The following RPS6KL1 variants were observed in gnomAD, a reference collection of about 807,000 sequenced individuals.
The protein encoded by RPS6KL1 is ribosomal protein S6 kinase-like 1.
Under a neutral mutation model 57.0 loss-of-function variants are expected in RPS6KL1, and 41 were observed. That is an observed-to-expected ratio of 0.72 (90% CI 0.56 to 0.93). The LOEUF is 0.93. Ranked by LOEUF, RPS6KL1 falls within the 40% of genes least tolerant of loss-of-function variation. The pLI, the probability that RPS6KL1 is intolerant of heterozygous loss-of-function variation, is 0.00. For synonymous variants in RPS6KL1, 287 were observed against 309.7 expected, an observed-to-expected ratio of 0.93 and a Z score of 0.77; for missense variants, 697 against 727.7, an observed-to-expected ratio of 0.96 and a Z score of 0.49.
intron 5 of RPS6KL1, among the ~76,000 whole-genome samples, chr14:74,914,546 T>C (rs1230644932): frequency 1.3e-5 from 2 of 152,206 alleles, no homozygotes; most frequent in Non-Finnish European, 2.9e-5. Context: ...TATCTTGGAG[T>C]TCGGCAGGAT....
rs972555309 is a variant in RPS6KL1, at chr14:74,904,375, G to A, written c.*2639C>T. 3.3e-5 allele frequency: 5 copies of A among 152,172 alleles called. No homozygotes were observed. The highest frequency in any genetic ancestry group is 2.6e-4 in the Admixed American group (4 of 15,278). The allele number at this position is 152,172 out of a possible 1,614,324, so 9.4% of individuals were successfully genotyped here. On this transcript the variant is annotated 3_prime_UTR_variant, in exon 12 of 12. Transcript: ENST00000557413. ...GCTTCTCATCAGACTTAAGGAGCCT[G>A]TTTTAACAGTAATTCCAAAAGGGAG...
At chr14:74,911,448 T>C in intron 6 of RPS6KL1, 68 bp from the exon 7 acceptor site, 1 of 1,554,740 alleles carries the variant, frequency 6.4e-7, no homozygotes, top group Non-Finnish European at 8.7e-7. Context: ...GGGGACCTCC[T>C]AGCCCTGGCT....
intron 6 of RPS6KL1, 157 bp downstream of exon 6, chr14:74,911,637 G>T: frequency 1.4e-6 from 1 of 727,158 alleles, no homozygotes; most frequent in African/African-American, 1.8e-5. Flanking sequence ...GTGCATGCAT[G>T]TGTGTCCATC....
At chr14:74,913,441 C>T (rs1352782555) in intron 5 of RPS6KL1, among the ~76,000 whole-genome samples, 2 of 152,330 alleles carry the variant, frequency 1.3e-5, no homozygotes, top group South Asian at 2.1e-4. Context: ...CCTGTAATCC[C>T]AGCTACCTGG....
In RPS6KL1 at chr14:74,906,793, G is replaced by A. The variant is rs749098471; in HGVS notation, c.*221C>T. The A allele has an allele frequency of 1.3e-5, 9 of 693,192 alleles. No individual in the cohort carries two copies. The highest frequency in any genetic ancestry group is 1.2e-4 in the South Asian group (8 of 68,250). The allele number at this position is 693,192 out of a possible 1,614,324, so 42.9% of individuals were successfully genotyped here. On this transcript the variant is annotated 3_prime_UTR_variant, in exon 12 of 12. Coordinates refer to ENST00000557413, the MANE Select transcript of RPS6KL1 (RefSeq NM_031464.5). Reference sequence around the variant, plus strand: ...TAGATGGTTCAAGCTGCTTAGCAGGGCAAGCCTTGACTGCCCCCACCTCCA... The same window carrying A: ...TAGATGGTTCAAGCTGCTTAGCAGGACAAGCCTTGACTGCCCCCACCTCCA...
At chr14:74,913,701 A>G (rs1161134335) in intron 5 of RPS6KL1, among the ~76,000 whole-genome samples, 3 of 152,240 alleles carry the variant, frequency 2.0e-5, no homozygotes, top group Non-Finnish European at 4.4e-5. Context: ...GGGTCATAGC[A>G]GCACTTCCTT....
rs1335615330 is a variant in RPS6KL1 at position 74,919,958 on chromosome 14, T to C, written c.277A>G (p.Lys93Glu). The change falls in exon 4 of 12, where the codon AAG (lysine) becomes GAG (glutamate). Residue 93 changes from lysine to glutamate, a missense_variant. Lys to Glu is a moderately conservative substitution (Grantham distance 56, BLOSUM62 1). Coordinates refer to ENST00000557413, the MANE Select transcript of RPS6KL1 (RefSeq NM_031464.5). The stretch of plus-strand genomic sequence containing the variant: ...AGCTTCACAGCCTCACGTCGCTCCT[T>C]GTTGGGGTCAACTGTGGGAGACAAG... ...LLRGIHVDPN[K>E]ERREAVKLKI... The C allele has an allele frequency of 1.2e-6, 2 of 1,614,138 alleles. No homozygotes were observed. The highest frequency in any genetic ancestry group is 3.3e-5 in the Admixed American group (2 of 60,030).
At chr14:74,918,478 T>C in intron 5 of RPS6KL1, 35 bp downstream of exon 5, 1 of 1,444,462 alleles carries the variant, frequency 6.9e-7, no homozygotes, top group Non-Finnish European at 9.3e-7. Flanking sequence ...GCATACACTG[T>C]CTCCCTCCTG....
intron 5 of RPS6KL1, among the ~76,000 whole-genome samples, chr14:74,918,195 C>T (rs1373733155): frequency 6.6e-6 from 1 of 152,102 alleles, no homozygotes; most frequent in Non-Finnish European, 1.5e-5. Flanking sequence ...AGTCCTCTTG[C>T]CTTGGCCTGG....
At chr14:74,921,951 G>A in intron 2 of RPS6KL1, 27 bp downstream of exon 2, 1 of 263,704 alleles carries the variant, frequency 3.8e-6, no homozygotes, top group Non-Finnish European at 6.9e-6. Context: ...GCTATGTTTT[G>A]TATTTGTAGT....
Position 74,906,408 on chromosome 14 carries a change from G to C in RPS6KL1, c.*606C>G, listed in dbSNP as rs1884829302. On this transcript the variant is annotated 3_prime_UTR_variant, in exon 12 of 12. Transcript: ENST00000557413. ...TAGGGGGCATGGTCAGGAATCGGGGGTGGGGGGGTGGGGGTGGGGGTCATC... is the reference window on the plus strand; with the variant it reads ...TAGGGGGCATGGTCAGGAATCGGGGCTGGGGGGGTGGGGGTGGGGGTCATC... 1 of 200,514 alleles carries C rather than the reference G, an allele frequency of 5.0e-6. No homozygotes were observed. Among genetic ancestry groups the C allele is most frequent in the Non-Finnish European group, 9.8e-6 (1 of 101,862 alleles). The allele number at this position is 200,514 out of a possible 1,614,324, so 12.4% of individuals were successfully genotyped here.
chr14:74,909,469 G>C (rs143858086), intron 8 of RPS6KL1, 74 bp downstream of exon 8: 10 of 1,508,348 alleles, frequency 6.6e-6, no homozygotes, highest in Middle Eastern at 2.5e-4. Context: ...AGGTCCCCTC[G>C]ACTTTGGGGA....
At chr14:74,907,565 A>G (rs1479944971) in intron 10 of RPS6KL1, 35 bp from the exon 11 acceptor site, 17 of 1,544,762 alleles carry the variant, frequency 1.1e-5, no homozygotes, top group African/African-American at 2.7e-5. Flanking sequence ...CTGAGGAGGC[A>G]ACCCCAGGAC....
intron 5 of RPS6KL1, among the ~76,000 whole-genome samples, chr14:74,913,939 G>A (rs1886441610): frequency 6.6e-6 from 1 of 152,194 alleles, no homozygotes; most frequent in Non-Finnish European, 1.5e-5. Context: ...CCTCAGAGAG[G>A]TTATGTTGCC....
chr14:74,910,163 G>A lies in RPS6KL1; in HGVS notation c.665-15C>T. 1 of 1,506,354 alleles carries A rather than the reference G, an allele frequency of 6.6e-7. No individual in the cohort carries two copies. Among genetic ancestry groups the A allele is most frequent in the Non-Finnish European group, 8.8e-7 (1 of 1,134,322 alleles). 93.3% of individuals were successfully genotyped at this position (1,506,354 alleles called of 1,614,324 possible). On this transcript the variant is annotated splice_polypyrimidine_tract_variant and intron_variant, in intron 7 of 11. Coordinates refer to ENST00000557413, the MANE Select transcript of RPS6KL1 (RefSeq NM_031464.5). ...GAGAGTGCCTCCTGGGCCATGCAGA[G>A]GGAGCGGTGAGCGTGGGGACAGGGA...
In RPS6KL1 at chr14:74,907,459, G is replaced by A. The variant is rs776972530; in HGVS notation, c.1515C>T (p.Arg505=). 1 of 1,586,026 alleles carries A rather than the reference G, an allele frequency of 6.3e-7. No homozygotes were observed. The highest frequency in any genetic ancestry group is 8.6e-7 in the Non-Finnish European group (1 of 1,166,462). ...TQLQLPEWLS[R]PAASLLTELL... is the part of the protein sequence containing the mutation. ...CCTCAGTCAGCAGAGAGGCCGCTGG[G>A]CGACTGAGCCACTCGGGCAGCTGGA... is the stretch of plus-strand genomic sequence containing the variant. Residue 505 remains arginine, a synonymous_variant, in exon 11 of 12, where the codon CGC becomes CGT. Transcript: ENST00000557413.
chr14:74,911,424 G>T, intron 6 of RPS6KL1, 44 bp from the exon 7 acceptor site: 1 of 1,582,802 alleles, frequency 6.3e-7, no homozygotes, highest in South Asian at 1.1e-5. Context: ...ACAGGCCAGA[G>T]ACTGCTGCTG....
chr14:74,908,650 G>A (rs1377916693), intron 10 of RPS6KL1, among the ~76,000 whole-genome samples, 200 bp downstream of exon 10: 1 of 152,176 alleles, frequency 6.6e-6, no homozygotes, highest in Non-Finnish European at 1.5e-5. Flanking sequence ...CACTCTACTC[G>A]TATTCATAGA....
chr14:74,919,701 T>C, intron 4 of RPS6KL1, 144 bp downstream of exon 4: 1 of 856,182 alleles, frequency 1.2e-6, no homozygotes, highest in Non-Finnish European at 1.8e-6. Flanking sequence ...TGGGCCGCCC[T>C]GGCACACTCC....
Sources: gnomAD v4.1 joint callset for allele counts (sites outside exome capture counted in the v4.1 genomes callset) on GRCh38, gnomAD v4.1.1 for gene constraint, MANE v1.5 for transcripts, NCBI Gene and HGNC (gene_info 2026-07-23, HGNC 2026-07-21) for gene names.